SMC5: variants seen among roughly 807,000 people sequenced by gnomAD.
SMC5 encodes the protein structural maintenance of chromosomes 5, also known as structural maintenance of chromosomes protein 5.
Under a neutral mutation model 148.3 loss-of-function variants are expected in SMC5, and 88 were observed. That is an observed-to-expected ratio of 0.59 (90% CI 0.50 to 0.71). The LOEUF is 0.71. Among genes scored for constraint, SMC5 ranks in the 30% least tolerant of loss-of-function variants. SMC5 has a pLI of 0.00. For synonymous variants in SMC5, 421 were observed against 432.8 expected, an observed-to-expected ratio of 0.97 and a Z score of 0.34; for missense variants, 1,142 against 1,298.9, an observed-to-expected ratio of 0.88 and a Z score of 1.86.
At chr9:70,333,772 A>ACTTG (rs928431304) in intron 17 of SMC5, among the ~76,000 whole-genome samples, 2 of 152,134 alleles carry the variant, frequency 1.3e-5, no homozygotes, top group Non-Finnish European at 2.9e-5. Flanking sequence ...TATTTAAAAG[A>ACTTG]CTTGTATCCT....
At chr9:70,306,589 C>A (rs1469346986) in intron 11 of SMC5, among the ~76,000 whole-genome samples, 1 of 152,182 alleles carries the variant, frequency 6.6e-6, no homozygotes, top group Admixed American at 6.5e-5. Flanking sequence ...AGACATGATA[C>A]ATTGTAAAGG....
chr9:70,314,783 T>C lies in SMC5; in HGVS notation c.1620T>C (p.Ala540=), dbSNP rs150292183. 4.3e-5 allele frequency: 68 copies of C among 1,576,708 alleles called. No homozygotes were observed. Among genetic ancestry groups the C allele is most frequent in the Non-Finnish European group, 5.4e-5 (63 of 1,160,906 alleles). ...NKKLRVNAVI[A]PKSSYADKAP... ...AATTAAGAGTAAATGCTGTTATTGCTCCCAAGAGTTCATATGCAGACAAAG... is the reference window on the plus strand; with the variant it reads ...AATTAAGAGTAAATGCTGTTATTGCCCCCAAGAGTTCATATGCAGACAAAG... Residue 540 remains alanine (A), a synonymous_variant, in exon 12 of 25, where the codon GCT becomes GCC. Coordinates refer to ENST00000361138, the MANE Select transcript of SMC5 (RefSeq NM_015110.4).
intron 11 of SMC5, among the ~76,000 whole-genome samples, chr9:70,308,473 A>G (rs182648564): frequency 6.6e-5 from 10 of 151,394 alleles, no homozygotes; most frequent in Middle Eastern, 3.4e-3. Context: ...GGGCGCCTGT[A>G]GTCCCAGCTA....
chr9:70,262,361 G>T (rs2034161516), intron 1 of SMC5, among the ~76,000 whole-genome samples: 1 of 152,154 alleles, frequency 6.6e-6, no homozygotes, highest in Non-Finnish European at 1.5e-5. Flanking sequence ...GCTGTGATGG[G>T]TTTTTCCTTA....
intron 24 of SMC5, 108 bp from the exon 25 acceptor site, chr9:70,352,083 T>G (rs1587726728): frequency 9.1e-7 from 1 of 1,099,046 alleles, no homozygotes. Flanking sequence ...AAAAAAAGTT[T>G]TATTAATATT....
chr9:70,312,631 T>A (rs78630979), intron 11 of SMC5, among the ~76,000 whole-genome samples: 5,325 of 152,338 alleles, frequency 0.035, 126 homozygotes, highest in Non-Finnish European at 0.054. Flanking sequence ...CTGAGAATTT[T>A]TATTGTAAAT....
intron 17 of SMC5, among the ~76,000 whole-genome samples, chr9:70,324,426 G>T (rs2036025789): frequency 1.3e-5 from 2 of 152,158 alleles, no homozygotes; most frequent in African/African-American, 4.8e-5. Context: ...CTTAAAACCG[G>T]AAGGAGAGCT....
intron 9 of SMC5, among the ~76,000 whole-genome samples, chr9:70,299,429 TCTC>T (rs752329902): frequency 8.0e-4 from 121 of 152,156 alleles, no homozygotes; most frequent in Admixed American, 2.4e-3. Context: ...CTTCTGTCCT[TCTC>T]CTTCCATCTA....
At chr9:70,342,213 G>A (rs959827446) in intron 17 of SMC5, among the ~76,000 whole-genome samples, 1 of 140,066 alleles carries the variant, frequency 7.1e-6, no homozygotes, top group Non-Finnish European at 1.5e-5. Context: ...CACAGGAAGG[G>A]GAACATCACA....
At chr9:70,288,525 C>T (rs775169780) in intron 8 of SMC5, among the ~76,000 whole-genome samples, 5 of 151,738 alleles carry the variant, frequency 3.3e-5, no homozygotes, top group African/African-American at 9.7e-5. Context: ...TATTTTTTAA[C>T]GTTCTTGAAT....
chr9:70,340,883 T>G (rs1290077730), intron 17 of SMC5, among the ~76,000 whole-genome samples: 2 of 152,144 alleles, frequency 1.3e-5, no homozygotes, highest in African/African-American at 4.8e-5. Context: ...AAAAAGATAA[T>G]ACTTACAAAT....
chr9:70,336,098 T>C (rs1213192848), intron 17 of SMC5, among the ~76,000 whole-genome samples: 1 of 152,230 alleles, frequency 6.6e-6, no homozygotes, highest in African/African-American at 2.4e-5. Context: ...CAGGGTTATG[T>C]ACATGATTCA....
At chr9:70,280,575 G>C (rs1326246124) in intron 5 of SMC5, among the ~76,000 whole-genome samples, 184 bp from the exon 6 acceptor site, 2 of 152,180 alleles carry the variant, frequency 1.3e-5, no homozygotes, top group Admixed American at 1.3e-4. Flanking sequence ...CTTTTACACA[G>C]GTTTTAGGTG....
intron 22 of SMC5, among the ~76,000 whole-genome samples, chr9:70,349,266 C>T (rs1488253340): frequency 6.6e-6 from 1 of 152,130 alleles, no homozygotes; most frequent in East Asian, 1.9e-4. Context: ...GGGATTTCCC[C>T]ATGTTGGCCA....
chr9:70,340,804 T>G (rs1485136095), intron 17 of SMC5, among the ~76,000 whole-genome samples: 1 of 152,170 alleles, frequency 6.6e-6, no homozygotes, highest in Non-Finnish European at 1.5e-5. Flanking sequence ...AGCTTTTTCT[T>G]GTTTAATGTC....
At chr9:70,308,330 G>A (rs1026300914) in intron 11 of SMC5, among the ~76,000 whole-genome samples, 1 of 152,028 alleles carries the variant, frequency 6.6e-6, no homozygotes, top group Admixed American at 6.6e-5. Flanking sequence ...CTGTGGCCGG[G>A]CGCGGTGGCT....
intron 8 of SMC5, among the ~76,000 whole-genome samples, chr9:70,290,008 T>C (rs989340020): frequency 2.1e-4 from 32 of 152,096 alleles, no homozygotes; most frequent in African/African-American, 7.0e-4. Context: ...GGAAATGCAC[T>C]TTAGAGCATT....
chr9:70,352,331 AT>A lies in SMC5; in HGVS notation c.*1del. 1 of 1,586,048 alleles carries A rather than the reference AT, an allele frequency of 6.3e-7. No homozygotes were observed. The highest frequency in any genetic ancestry group is 1.2e-5 in the South Asian group (1 of 85,612). The stretch of plus-strand genomic sequence containing the variant: ...GTATTACATTCACTCAACCTTCTTA[AT>A]AAAAGTAAAGAGAGGGAACTTGGGA... On this transcript the variant is annotated 3_prime_UTR_variant, in exon 25 of 25. Coordinates refer to ENST00000361138, the MANE Select transcript of SMC5 (RefSeq NM_015110.4).
At chr9:70,346,068 T>C (rs1412331919) in intron 18 of SMC5, among the ~76,000 whole-genome samples, 1 of 152,192 alleles carries the variant, frequency 6.6e-6, no homozygotes, top group African/African-American at 2.4e-5. Flanking sequence ...ATGGAGAAGA[T>C]TGAAGGAGAA....
Sources: gnomAD v4.1 joint callset for allele counts (sites outside exome capture counted in the v4.1 genomes callset) on GRCh38, gnomAD v4.1.1 for gene constraint, MANE v1.5 for transcripts, NCBI Gene and HGNC (gene_info 2026-07-23, HGNC 2026-07-21) for gene names.